Variants in TMEM117 observed in about 807,000 individuals in gnomAD.
The protein encoded by TMEM117 is transmembrane protein 117.
A neutral mutation model predicts 52.4 loss-of-function variants in TMEM117; 27 were observed. The ratio of observed to expected loss-of-function variants is 0.51; its 90% CI spans 0.38 to 0.71. The LOEUF is 0.71. Among genes scored for constraint, TMEM117 ranks in the 30% least tolerant of loss-of-function variants. The pLI is 0.00. For missense variants in TMEM117, 556 were observed against 630.5 expected, an observed-to-expected ratio of 0.88 and a Z score of 1.26; for synonymous variants, 215 against 206.3, an observed-to-expected ratio of 1.04 and a Z score of -0.36.
chr12:44,198,302 A>C (rs1056323655), intron 4 of TMEM117, among the ~76,000 whole-genome samples: 1 of 152,224 alleles, frequency 6.6e-6, no homozygotes, highest in Admixed American at 6.5e-5. Context: ...TGTCAAAGAC[A>C]TGAAATTTAG....
chr12:43,950,500 C>T (rs1945202052), intron 3 of TMEM117, among the ~76,000 whole-genome samples: 1 of 151,274 alleles, frequency 6.6e-6, no homozygotes, highest in South Asian at 2.1e-4. Context: ...CTTTCTGGGC[C>T]TGAGTACCTC....
intron 4 of TMEM117, among the ~76,000 whole-genome samples, chr12:44,206,189 G>A (rs1426884964): frequency 6.6e-6 from 1 of 152,110 alleles, no homozygotes; most frequent in African/African-American, 2.4e-5. Flanking sequence ...ATTCCTTATG[G>A]GAAACAAAGG....
chr12:43,895,462 C>T lies in TMEM117; in HGVS notation c.278-48748C>T, dbSNP rs60533585. On this transcript the variant is annotated intron_variant, in intron 2 of 7. Transcript: ENST00000266534. ...TGAATAGTGCAGCAATGAACATATG[C>T]GTGCATGTGTCTTGTTATATTTGAA... Among the ~76,000 whole-genome samples the T allele has an allele frequency of 5.5e-3, 839 of 152,160 alleles. 8 individuals are homozygous for T. The highest frequency in any genetic ancestry group is 0.016 in the African/African-American group (657 of 41,510).
At chr12:44,136,416 A>G (rs1159287793) in intron 3 of TMEM117, among the ~76,000 whole-genome samples, 3 of 152,152 alleles carry the variant, frequency 2.0e-5, no homozygotes, top group Admixed American at 6.6e-5. Context: ...GAAACTTGGG[A>G]TATAACCACA....
chr12:44,335,505 G>A (rs1951329185), intron 6 of TMEM117, among the ~76,000 whole-genome samples: 1 of 151,976 alleles, frequency 6.6e-6, no homozygotes, highest in African/African-American at 2.4e-5. Context: ...TGCTCAGAGA[G>A]GTTAAGTTGT....
chr12:44,071,371 A>C (rs1947299450), intron 3 of TMEM117, among the ~76,000 whole-genome samples: 1 of 152,074 alleles, frequency 6.6e-6, no homozygotes, highest in South Asian at 2.1e-4. Context: ...ATAATGAATG[A>C]CCTAAGGCTC....
At chr12:44,311,821 A>G (rs11182466) in intron 6 of TMEM117, among the ~76,000 whole-genome samples, 3,009 of 90,866 alleles carry the variant, frequency 0.033, 243 homozygotes, top group African/African-American at 0.15. Context: ...ATGTATATAT[A>G]TGTATATATG....
chr12:44,382,538 C>A (rs1422458408), intron 7 of TMEM117, among the ~76,000 whole-genome samples: 1 of 152,152 alleles, frequency 6.6e-6, no homozygotes, highest in African/African-American at 2.4e-5. Flanking sequence ...TAGTTGGTAT[C>A]TGGAGAACAC....
At chr12:44,343,247 C>G (rs924702484) in intron 6 of TMEM117, among the ~76,000 whole-genome samples, 10 of 152,136 alleles carry the variant, frequency 6.6e-5, no homozygotes, top group Non-Finnish European at 1.2e-4. Flanking sequence ...GCCACCACAC[C>G]CGGCCGGAAA....
chr12:43,826,744 G>C, the TMEM117 span, among the ~76,000 whole-genome samples: 1 of 152,184 alleles, frequency 6.6e-6, no homozygotes, highest in Admixed American at 6.5e-5. Flanking sequence ...AGAGGAGTAA[G>C]AGAGCTGAGG....
chr12:43,904,888 A>C (rs1477422613), intron 2 of TMEM117, among the ~76,000 whole-genome samples: 1 of 152,230 alleles, frequency 6.6e-6, no homozygotes, highest in Non-Finnish European at 1.5e-5. Flanking sequence ...TCACGCCTGT[A>C]ATCCCAGCAC....
At chr12:43,957,300 G>T (rs1945324917) in intron 3 of TMEM117, among the ~76,000 whole-genome samples, 1 of 151,626 alleles carries the variant, frequency 6.6e-6, no homozygotes, top group Non-Finnish European at 1.5e-5. Context: ...ATGTACCCCA[G>T]AACTTAAAAA....
intron 2 of TMEM117, among the ~76,000 whole-genome samples, chr12:43,869,504 C>G (rs1943667358): frequency 6.6e-6 from 1 of 152,200 alleles, no homozygotes; most frequent in Non-Finnish European, 1.5e-5. Context: ...TTTCTACCCA[C>G]TGGTGACAGA....
chr12:43,802,596 A>C, the TMEM117 span: 1 of 676,414 alleles, frequency 1.5e-6, no homozygotes, highest in Non-Finnish European at 2.5e-6. Context: ...TTGAAAAGAA[A>C]AATGTGGTAA....
chr12:44,052,587 T>G (rs561623253), intron 3 of TMEM117, among the ~76,000 whole-genome samples: 1 of 152,140 alleles, frequency 6.6e-6, no homozygotes, highest in Admixed American at 6.5e-5. Flanking sequence ...GGCTGGTCAC[T>G]TATGTTTCTA....
chr12:43,818,844 G>A, the TMEM117 span, among the ~76,000 whole-genome samples: 1 of 152,176 alleles, frequency 6.6e-6, no homozygotes, highest in East Asian at 1.9e-4. Flanking sequence ...AATTAGAGGA[G>A]TATGTACATC....
At chr12:43,797,553 C>G in the TMEM117 span, 2 of 1,369,556 alleles carry the variant, frequency 1.5e-6, no homozygotes, top group East Asian at 4.9e-5. Context: ...GAACTTAGTT[C>G]TGGATGGTTT....
chr12:44,345,910 G>A (rs749108674), intron 6 of TMEM117, among the ~76,000 whole-genome samples: 4 of 151,994 alleles, frequency 2.6e-5, no homozygotes, highest in African/African-American at 4.8e-5. Context: ...CTCCACAAAG[G>A]CTGCTTATTT....
intron 3 of TMEM117, among the ~76,000 whole-genome samples, chr12:44,133,092 C>G (rs17094136): frequency 0.077 from 11,787 of 152,180 alleles, 1,380 homozygotes; most frequent in African/African-American, 0.26. Context: ...GTAGCACAGG[C>G]ATGGTACAAT....
Sources: gnomAD v4.1 joint callset for allele counts (sites outside exome capture counted in the v4.1 genomes callset) on GRCh38, gnomAD v4.1.1 for gene constraint, MANE v1.5 for transcripts, NCBI Gene and HGNC (gene_info 2026-07-23, HGNC 2026-07-21) for gene names.